The following HLCS variants were observed in gnomAD, a reference collection of about 807,000 sequenced individuals.
HLCS encodes biotin--protein ligase.
A neutral mutation model predicts 75.0 loss-of-function variants in HLCS; 53 were observed. The observed-to-expected ratio is 0.71, with a 90% CI of 0.57 to 0.89. The LOEUF is 0.89. Among genes scored for constraint, HLCS ranks in the 40% least tolerant of loss-of-function variants. The probability of loss-of-function intolerance (pLI) is 0.00; values close to 1 mark genes in which losing one functional copy is unlikely to be tolerated. For synonymous variants in HLCS, 431 were observed against 428.6 expected, an observed-to-expected ratio of 1.01 and a Z score of -0.07; for missense variants, 966 against 1,074.0, an observed-to-expected ratio of 0.90 and a Z score of 1.41.
intron 1 of HLCS, 22 bp from the exon 2 acceptor site, chr21:36,962,192 T>C (rs916239177): frequency 1.1e-5 from 14 of 1,237,888 alleles, no homozygotes; most frequent in Admixed American, 2.4e-5. Context: ...GAAAGAAATA[T>C]AATGAGATTG....
chr21:36,862,652 C>A (rs1463129168), intron 6 of HLCS, among the ~76,000 whole-genome samples: 1 of 152,180 alleles, frequency 6.6e-6, no homozygotes, highest in Non-Finnish European at 1.5e-5. Flanking sequence ...AGAACCTCTC[C>A]GCATCCGTTC....
intron 5 of HLCS, among the ~76,000 whole-genome samples, chr21:36,921,084 G>A (rs1425977831): frequency 6.6e-6 from 1 of 152,206 alleles, no homozygotes; most frequent in East Asian, 1.9e-4. Flanking sequence ...TTTGTTCAGA[G>A]AAGAGAGCAA....
intron 2 of HLCS, chr21:36,943,519 A>T (rs528628332): frequency 1.3e-5 from 2 of 152,946 alleles, no homozygotes; most frequent in African/African-American, 4.8e-5. Context: ...GCTCAACAAC[A>T]GCAAATATCT....
chr21:36,888,985 G>A (rs1436458120), intron 6 of HLCS, among the ~76,000 whole-genome samples: 3 of 152,198 alleles, frequency 2.0e-5, no homozygotes, highest in African/African-American at 7.2e-5. Context: ...GACCAAGAAC[G>A]GTGTACACAA....
chr21:36,891,039 G>C (rs1198576455), intron 6 of HLCS, among the ~76,000 whole-genome samples: 3 of 152,190 alleles, frequency 2.0e-5, no homozygotes, highest in Non-Finnish European at 4.4e-5. Context: ...TTAGATCCAT[G>C]GTTGCCTACT....
chr21:36,842,997 C>T lies in HLCS; in HGVS notation c.1892+53863G>A, dbSNP rs965603282. 4.6e-5 allele frequency among the ~76,000 whole-genome samples: 7 copies of T among 152,310 alleles called. No homozygotes were observed. In the South Asian group the frequency reaches 1.5e-3, roughly 32 times the overall value. On this transcript the variant is annotated intron_variant, in intron 6 of 10. Coordinates refer to ENST00000674895, the MANE Select transcript of HLCS (RefSeq NM_001352514.2). The surrounding 1 kb of genome is among the most constrained non-coding windows in gnomAD (Gnocchi z 4.2). ...GTCTGAAACTGAGCAGTTCTTCCTG[C>T]CATGTCTTATCTTCTAGACTTTGGT...
At chr21:36,775,094 C>T (rs2060316369) in intron 6 of HLCS, among the ~76,000 whole-genome samples, 1 of 152,252 alleles carries the variant, frequency 6.6e-6, no homozygotes, top group Non-Finnish European at 1.5e-5. Flanking sequence ...AATCCTCCCA[C>T]TGGAGCTCCC....
intron 6 of HLCS, among the ~76,000 whole-genome samples, chr21:36,848,584 T>C (rs867350570): frequency 1.3e-5 from 2 of 152,180 alleles, no homozygotes; most frequent in South Asian, 2.1e-4. Context: ...GTAAAGCTTT[T>C]TGTATACTGA....
intron 6 of HLCS, among the ~76,000 whole-genome samples, chr21:36,870,113 T>G (rs1453732739): frequency 1.3e-5 from 2 of 152,190 alleles, no homozygotes; most frequent in Non-Finnish European, 2.9e-5. Flanking sequence ...AGAAATTGAC[T>G]CTGAAGGACT....
chr21:36,926,017 C>T (rs2066391353), intron 5 of HLCS, among the ~76,000 whole-genome samples: 2 of 152,184 alleles, frequency 1.3e-5, no homozygotes, highest in Middle Eastern at 3.2e-3. Context: ...AGATGTATTG[C>T]TGCTGACTGC....
chr21:36,814,364 GA>G (rs1413599877), intron 6 of HLCS, among the ~76,000 whole-genome samples: 1 of 152,146 alleles, frequency 6.6e-6, no homozygotes, highest in South Asian at 2.1e-4. Context: ...ATTTCACAAA[GA>G]AAAATACAGA....
chr21:36,834,758 G>A (rs897947043), intron 6 of HLCS, among the ~76,000 whole-genome samples: 8 of 152,190 alleles, frequency 5.3e-5, no homozygotes, highest in African/African-American at 1.9e-4. Flanking sequence ...GTTTCACCAT[G>A]TTGGCCAGGA....
Position 36,752,069 on chromosome 21 carries a change from T to G in HLCS, c.*2177A>C, listed in dbSNP as rs1291347092. On this transcript the variant is annotated 3_prime_UTR_variant, in exon 11 of 11. Coordinates refer to ENST00000674895, the MANE Select transcript of HLCS (RefSeq NM_001352514.2). ...AACAGCTATCAGTAAAATGCCTTTA[T>G]TCAGCTAATTCTATAGAAGCGGAGT... 1 of 152,652 alleles carries G rather than the reference T, an allele frequency of 6.6e-6. No individual in the cohort carries two copies. The highest frequency in any genetic ancestry group is 1.5e-5 in the Non-Finnish European group (1 of 68,040). 9.5% of individuals were successfully genotyped at this position (152,652 alleles called of 1,614,324 possible).
chr21:36,979,758 T>A (rs2069055989), intron 1 of HLCS, among the ~76,000 whole-genome samples: 1 of 151,708 alleles, frequency 6.6e-6, no homozygotes, highest in Non-Finnish European at 1.5e-5. Flanking sequence ...GTACAGAAAA[T>A]TAAAAATTAG....
At chr21:36,771,936 C>G in intron 6 of HLCS, among the ~76,000 whole-genome samples, 1 of 151,100 alleles carries the variant, frequency 6.6e-6, no homozygotes. Context: ...GGGGCGGAGG[C>G]TGCAGTCAGC....
At chr21:36,989,090 G>T (rs2069287315) in intron 1 of HLCS, among the ~76,000 whole-genome samples, 1 of 150,860 alleles carries the variant, frequency 6.6e-6, no homozygotes, top group Non-Finnish European at 1.5e-5. Context: ...AGGCTGGAGT[G>T]CAGAGCCGCC....
At chr21:36,952,758 T>C (rs2146611714) in intron 2 of HLCS, among the ~76,000 whole-genome samples, 1 of 128,420 alleles carries the variant, frequency 7.8e-6, no homozygotes, top group African/African-American at 3.1e-5. Flanking sequence ...GCCACTGCAC[T>C]CCAGCCTGGT....
At chr21:36,870,236 G>A (rs1426875073) in intron 6 of HLCS, among the ~76,000 whole-genome samples, 1 of 152,050 alleles carries the variant, frequency 6.6e-6, no homozygotes, top group Non-Finnish European at 1.5e-5. Flanking sequence ...CTGAGAAGCT[G>A]CGTCTGGACC....
chr21:36,801,767 AGATT>A (rs1391784572), intron 6 of HLCS, among the ~76,000 whole-genome samples: 1 of 151,848 alleles, frequency 6.6e-6, no homozygotes, highest in African/African-American at 2.4e-5. Flanking sequence ...AATTGCAAAC[AGATT>A]GATTTCCTTT....
Sources: gnomAD v4.1 joint callset for allele counts (sites outside exome capture counted in the v4.1 genomes callset) on GRCh38, gnomAD v4.1.1 for gene constraint, Gnocchi (gnomAD v3.1) non-coding constraint, MANE v1.5 for transcripts, NCBI Gene and HGNC (gene_info 2026-07-23, HGNC 2026-07-21) for gene names.